DLG2: variants seen among roughly 807,000 people sequenced by gnomAD.
DLG2 encodes discs large MAGUK scaffold protein 2, also known as disks large homolog 2.
In DLG2, 45 loss-of-function variants were observed where a neutral mutation model predicts 132.5. The ratio of observed to expected loss-of-function variants is 0.34; its 90% CI spans 0.27 to 0.44. The LOEUF is 0.44. DLG2 is among the 20% of genes least tolerant of loss of function. The probability of loss-of-function intolerance (pLI) is 1.00; values close to 1 mark genes in which losing one functional copy is unlikely to be tolerated. For synonymous variants in DLG2, 424 were observed against 419.6 expected (o/e 1.01, Z -0.13); for missense variants, 1,045 against 1,196.9 (o/e 0.87, Z 1.87).
At chr11:85,095,131 C>T (rs2069507619) in intron 6 of DLG2, among the ~76,000 whole-genome samples, 1 of 152,100 alleles carries the variant, frequency 6.6e-6, no homozygotes, top group African/African-American at 2.4e-5. Context: ...TTTTATGACA[C>T]CCCAAACCAA....
At chr11:84,628,053 C>A (rs1410444793) in intron 6 of DLG2, among the ~76,000 whole-genome samples, 1 of 151,706 alleles carries the variant, frequency 6.6e-6, no homozygotes, top group Non-Finnish European at 1.5e-5. Context: ...CCCAAAAGTT[C>A]AAATGTCTCT....
intron 6 of DLG2, chr11:84,923,422 A>G (rs1238679672): frequency 3.7e-6 from 1 of 273,308 alleles, no homozygotes; most frequent in Non-Finnish European, 5.3e-6. Context: ...TCACTGGATT[A>G]AAAAAAAAAA....
chr11:83,464,765 G>A (rs1040192700), intron 26 of DLG2, among the ~76,000 whole-genome samples: 2 of 152,294 alleles, frequency 1.3e-5, no homozygotes, highest in African/African-American at 2.4e-5. Flanking sequence ...CACTGCTGTC[G>A]TTCCCTCAGG....
intron 19 of DLG2, among the ~76,000 whole-genome samples, chr11:83,600,066 G>A (rs2058274502): frequency 6.6e-6 from 1 of 152,134 alleles, no homozygotes; most frequent in Non-Finnish European, 1.5e-5. Context: ...TAATGTCCCA[G>A]GTTCTGGGCC....
At chr11:84,508,823 G>C (rs1337538683) in intron 7 of DLG2, among the ~76,000 whole-genome samples, 2 of 152,126 alleles carry the variant, frequency 1.3e-5, no homozygotes, top group African/African-American at 4.8e-5. Flanking sequence ...TGTTAAGACA[G>C]GAAATTGTTC....
At chr11:85,333,418 T>C (rs1157155282) in intron 3 of DLG2, among the ~76,000 whole-genome samples, 1 of 152,050 alleles carries the variant, frequency 6.6e-6, no homozygotes, top group Non-Finnish European at 1.5e-5. Flanking sequence ...TCTGAATGTC[T>C]TTTATTTATT....
chr11:83,668,712 TATGTGTATATAA>T (rs2076201113), intron 18 of DLG2, among the ~76,000 whole-genome samples: 1 of 108,568 alleles, frequency 9.2e-6, no homozygotes, highest in African/African-American at 4.0e-5. Context: ...AACACATATA[TATGTGTATATAA>T]ACACATATAT....
intron 3 of DLG2, among the ~76,000 whole-genome samples, chr11:85,383,816 TTAA>T (rs2086100709): frequency 1.3e-5 from 2 of 152,190 alleles, no homozygotes; most frequent in South Asian, 4.1e-4. Context: ...ACAGCTTATA[TTAA>T]TAACTTCCCT....
intron 3 of DLG2, among the ~76,000 whole-genome samples, chr11:85,528,007 C>T (rs1046635946): frequency 6.6e-6 from 1 of 152,142 alleles, no homozygotes; most frequent in Non-Finnish European, 1.5e-5. Flanking sequence ...TGTTCATATC[C>T]TTTGCCCACT....
chr11:83,503,398 TATATATATATATATATATATATATAG>T (rs1565511519), intron 21 of DLG2, among the ~76,000 whole-genome samples: 5 of 30,844 alleles, frequency 1.6e-4, no homozygotes, highest in African/African-American at 3.9e-4. Flanking sequence ...TATATATATA[TATATATATATATATATATATATATAG>T]ATAGATCTAA....
chr11:85,419,593 A>G (rs1222446569), intron 3 of DLG2, among the ~76,000 whole-genome samples: 1 of 152,160 alleles, frequency 6.6e-6, no homozygotes, highest in Admixed American at 6.5e-5. Flanking sequence ...TGGTCTTTTC[A>G]CATAGTCCCA....
At chr11:85,458,296 T>A (rs985093958) in intron 3 of DLG2, among the ~76,000 whole-genome samples, 19 of 152,332 alleles carry the variant, frequency 1.2e-4, no homozygotes, top group African/African-American at 4.1e-4. Flanking sequence ...TCTGTTTGGT[T>A]ATTCCTTATA....
At chr11:83,603,923 T>G (rs1046452353) in intron 19 of DLG2, among the ~76,000 whole-genome samples, 1 of 152,192 alleles carries the variant, frequency 6.6e-6, no homozygotes, top group Non-Finnish European at 1.5e-5. Context: ...CTCTTTTATT[T>G]TCAATTCATG....
At chr11:85,301,785 C>A (rs537737576) in intron 3 of DLG2, among the ~76,000 whole-genome samples, 27 of 152,172 alleles carry the variant, frequency 1.8e-4, no homozygotes, top group African/African-American at 6.5e-4. Context: ...AGATGCCAAG[C>A]ACATCAGAAC....
At chr11:84,582,314 TTTTAAC>T (rs1420418794) in intron 6 of DLG2, among the ~76,000 whole-genome samples, 1 of 150,802 alleles carries the variant, frequency 6.6e-6, no homozygotes, top group African/African-American at 2.4e-5. Context: ...TATATATATA[TTTTAAC>T]TTAAAATATA....
intron 8 of DLG2, among the ~76,000 whole-genome samples, chr11:84,189,344 G>A (rs2096354649): frequency 6.6e-6 from 1 of 152,198 alleles, no homozygotes; most frequent in South Asian, 2.1e-4. Context: ...TGGCAATGTT[G>A]TGGAGAAAAA....
intron 6 of DLG2, among the ~76,000 whole-genome samples, chr11:84,798,461 C>A (rs570185182): frequency 2.3e-4 from 35 of 152,318 alleles, no homozygotes; most frequent in African/African-American, 8.4e-4. Context: ...ACCACCACCA[C>A]TGGCCCATGG....
intron 6 of DLG2, among the ~76,000 whole-genome samples, chr11:85,044,515 G>C (rs116745996): frequency 1.9e-3 from 283 of 152,006 alleles, no homozygotes; most frequent in African/African-American, 6.6e-3. Context: ...AAACTTTCAG[G>C]GGTCAGGGTT....
chr11:84,403,014 G>A (rs1352360193), intron 7 of DLG2, among the ~76,000 whole-genome samples: 1 of 149,766 alleles, frequency 6.7e-6, no homozygotes, highest in African/African-American at 2.5e-5. Flanking sequence ...CTCTCTCTCT[G>A]GCTAGAGGAT....
Sources: allele counts gnomAD v4.1 joint callset (sites outside exome capture counted in the v4.1 genomes callset), GRCh38; gene constraint gnomAD v4.1.1; transcripts MANE v1.5; gene names NCBI Gene and HGNC (gene_info 2026-07-23, HGNC 2026-07-21).